NVL: variants seen among roughly 807,000 people sequenced by gnomAD.
NVL encodes the protein nuclear VCP like, also known as nuclear valosin-containing protein-like.
NVL carries 84 observed loss-of-function variants against 110.2 expected under a neutral mutation model. The ratio of observed to expected loss-of-function variants is 0.76; its 90% CI spans 0.64 to 0.91. The LOEUF (loss-of-function observed/expected upper bound fraction) is 0.91. Among genes scored for constraint, NVL ranks in the 40% least tolerant of loss-of-function variants. The probability of loss-of-function intolerance (pLI) is 0.00; values close to 1 mark genes in which losing one functional copy is unlikely to be tolerated. For missense variants in NVL, 882 were observed against 1,035.9 expected, an observed-to-expected ratio of 0.85 and a Z score of 2.04; for synonymous variants, 354 against 361.1, an observed-to-expected ratio of 0.98 and a Z score of 0.22.
chr1:224,294,814 A>G lies in NVL; in HGVS notation c.1181-403T>C, dbSNP rs147890138. 2.4e-3 allele frequency among the ~76,000 whole-genome samples: 366 copies of G among 152,326 alleles called. 2 individuals carry two copies. Among genetic ancestry groups the G allele is most frequent in the Non-Finnish European group, 4.2e-3 (283 of 68,028 alleles). ...AAGGGTAAATACAATTTTAACAAGC[A>G]GATATATAGGCTAATGGAATTCTAT... is the stretch of plus-strand genomic sequence containing the variant. On this transcript the variant is annotated intron_variant, in intron 11 of 22. Transcript: ENST00000281701.
At chr1:224,258,195 C>T (rs1016617557) in intron 18 of NVL, among the ~76,000 whole-genome samples, 1 of 152,104 alleles carries the variant, frequency 6.6e-6, no homozygotes, top group Non-Finnish European at 1.5e-5. Context: ...ACTCTTACTA[C>T]TCAATGACAA....
At chr1:224,301,203 C>A (rs113817302) in intron 9 of NVL, among the ~76,000 whole-genome samples, 2,516 of 152,030 alleles carry the variant, frequency 0.017, 61 homozygotes, top group African/African-American at 0.056. Flanking sequence ...ATTCTATTAT[C>A]TTTTCTGAAT....
At chr1:224,310,137 C>G (rs1350519766) in intron 5 of NVL, among the ~76,000 whole-genome samples, 1 of 137,000 alleles carries the variant, frequency 7.3e-6, no homozygotes, top group Non-Finnish European at 1.6e-5. Context: ...GGTGATCACA[C>G]CACTGCACTT....
At chr1:224,275,560 G>A (rs1665684345) in intron 16 of NVL, 102 bp from the exon 17 acceptor site, 2 of 1,428,990 alleles carry the variant, frequency 1.4e-6, no homozygotes, top group Non-Finnish European at 9.7e-7. Context: ...AGTTTTATGT[G>A]TCAAAGTCCA....
At chr1:224,325,224 T>C (rs1189582577) in intron 2 of NVL, among the ~76,000 whole-genome samples, 1 of 150,386 alleles carries the variant, frequency 6.6e-6, no homozygotes, top group Non-Finnish European at 1.5e-5. Flanking sequence ...ATCGCGCCAC[T>C]GCACTCCAGC....
chr1:224,250,213 T>A lies in NVL; in HGVS notation c.2288A>T (p.Lys763Ile). Residue 763 changes from lysine (K) to isoleucine (I), a missense_variant and splice_region_variant, in exon 19 of 23, where the codon AAA becomes ATA. Physicochemically the swap from Lys to Ile is moderately radical, Grantham distance 102 (BLOSUM62 -3). Around this residue, in one of 4 missense-constraint regions of NVL, gnomAD observed 126 missense variants for 140.7 expected, o/e 0.90. Transcript: ENST00000281701. ...AAATATACCATTTCCTTTACTCACT[T>A]TTGTGATAGTTTTTAAGATGGCAAG... ...DRLAILKTITKNGTKPPLDAD... is the reference protein window; with the variant it reads ...DRLAILKTITINGTKPPLDAD... 1 of 1,610,114 alleles carries A rather than the reference T, an allele frequency of 6.2e-7. No individual in the cohort carries two copies. Among genetic ancestry groups the A allele is most frequent in the Non-Finnish European group, 8.5e-7 (1 of 1,178,704 alleles).
chr1:224,253,731 C>CAAAAAAA lies in NVL; in HGVS notation c.2183-3420_2183-3414dup, dbSNP rs770232348. On this transcript the variant is annotated intron_variant, in intron 18 of 22. Transcript: ENST00000281701. ...CTTGGGACAGAGCAAGGCTCGGTCT[C>CAAAAAAA]AAAAAAAAAAAAAAAAAGAAAAGAA... Among the ~76,000 whole-genome samples the CAAAAAAA allele has an allele frequency of 7.2e-5, 4 of 55,686 alleles. 1 individual carries two copies. The highest frequency in any genetic ancestry group is 7.4e-5 in the Non-Finnish European group (2 of 26,888). The allele number at this position is 55,686 out of a possible 152,430, so 36.5% of individuals were successfully genotyped here. A position where few individuals can be genotyped will look rare whatever the true frequency, so the allele number is the denominator to read the frequency against.
chr1:224,300,875 TG>T (rs1668330053), intron 9 of NVL, among the ~76,000 whole-genome samples: 1 of 152,030 alleles, frequency 6.6e-6, no homozygotes, highest in Non-Finnish European at 1.5e-5. Flanking sequence ...GAGGCTGAGG[TG>T]GGCGGATCAC....
At chr1:224,279,811 C>T (rs1208325082) in intron 16 of NVL, among the ~76,000 whole-genome samples, 1 of 152,066 alleles carries the variant, frequency 6.6e-6, no homozygotes, top group Non-Finnish European at 1.5e-5. Flanking sequence ...TAAGCACTAA[C>T]ATTTCCAATT....
chr1:224,329,074 G>C (rs914457086), intron 1 of NVL, among the ~76,000 whole-genome samples: 29 of 151,922 alleles, frequency 1.9e-4, no homozygotes, highest in Middle Eastern at 3.4e-3. Context: ...AGCCAGGTGT[G>C]GTGGTGCACA....
chr1:224,251,226 A>G (rs1012843682), intron 18 of NVL, among the ~76,000 whole-genome samples: 10 of 140,282 alleles, frequency 7.1e-5, no homozygotes, highest in Non-Finnish European at 1.1e-4. Flanking sequence ...GTGAGCTGAG[A>G]TCGTGCCACT....
At chr1:224,267,670 G>A (rs1166478845) in intron 18 of NVL, among the ~76,000 whole-genome samples, 1 of 145,262 alleles carries the variant, frequency 6.9e-6, no homozygotes, top group Non-Finnish European at 1.5e-5. Context: ...CTGGGTGACA[G>A]AGCGAGATTC....
intron 1 of NVL, among the ~76,000 whole-genome samples, chr1:224,328,223 C>A (rs764991204): frequency 1.3e-5 from 2 of 152,116 alleles, no homozygotes; most frequent in Non-Finnish European, 2.9e-5. Context: ...CCTCCCCTAG[C>A]CCGATTTTTC....
intron 4 of NVL, among the ~76,000 whole-genome samples, chr1:224,316,673 A>AAAAAAAAG (rs986984152): frequency 8.6e-5 from 13 of 151,192 alleles, no homozygotes; most frequent in Admixed American, 6.6e-5. Flanking sequence ...AAAAAAAAAA[A>AAAAAAAAG]AAAAAGAAAA....
At chr1:224,281,363 C>A (rs570715247) in intron 15 of NVL, among the ~76,000 whole-genome samples, 178 bp from the exon 16 acceptor site, 51 of 151,698 alleles carry the variant, frequency 3.4e-4, no homozygotes, top group Non-Finnish European at 2.1e-4. Context: ...TGCAGTGGCG[C>A]GATCTCGGCT....
intron 18 of NVL, among the ~76,000 whole-genome samples, chr1:224,255,907 T>A (rs1663167165): frequency 1.3e-5 from 2 of 152,234 alleles, no homozygotes; most frequent in South Asian, 4.1e-4. Flanking sequence ...GTAAAAGGTA[T>A]GAATTAAGGT....
At chr1:224,289,178 T>C (rs1325222226) in intron 13 of NVL, 2 of 314,814 alleles carry the variant, frequency 6.4e-6, no homozygotes, top group Admixed American at 4.8e-5. Flanking sequence ...CAAATGAACA[T>C]GGCTGTGTTC....
intron 18 of NVL, among the ~76,000 whole-genome samples, chr1:224,263,897 C>A (rs1664224642): frequency 6.6e-6 from 1 of 152,236 alleles, no homozygotes; most frequent in South Asian, 2.1e-4. Context: ...TGCCTGTAAT[C>A]CCAGCTACTC....
intron 12 of NVL, among the ~76,000 whole-genome samples, chr1:224,291,022 G>A (rs1224408791): frequency 6.6e-6 from 1 of 152,158 alleles, no homozygotes; most frequent in Non-Finnish European, 1.5e-5. Flanking sequence ...CAAACTGCAA[G>A]AGTCTGAATC....
Sources: allele counts gnomAD v4.1 joint callset (sites outside exome capture counted in the v4.1 genomes callset), GRCh38; gene constraint gnomAD v4.1.1; regional missense constraint gnomAD v4.1.1; transcripts MANE v1.5; gene names NCBI Gene and HGNC (gene_info 2026-07-23, HGNC 2026-07-21).